Variants in DLG5 observed in about 807,000 individuals in gnomAD.
DLG5 encodes discs large MAGUK scaffold protein 5, also known as disks large homolog 5.
A neutral mutation model predicts 189.8 loss-of-function variants in DLG5; 48 were observed. The observed-to-expected ratio is 0.25, with a 90% CI of 0.20 to 0.32. The LOEUF (loss-of-function observed/expected upper bound fraction) is 0.32. Among genes scored for constraint, DLG5 ranks in the 10% least tolerant of loss-of-function variants. The probability of loss-of-function intolerance (pLI) is 1.00; values close to 1 mark genes in which losing one functional copy is unlikely to be tolerated. For synonymous variants in DLG5, 1,016 were observed against 1,054.1 expected (o/e 0.96, Z 0.70); for missense variants, 2,160 against 2,544.7 (o/e 0.85, Z 3.25).
intron 4 of DLG5, 115 bp downstream of exon 4, chr10:77,854,112 C>G (rs1171001643): frequency 3.6e-6 from 5 of 1,371,334 alleles, no homozygotes; most frequent in African/African-American, 1.4e-5. Flanking sequence ...ACTGCTTGCT[C>G]TTGCACAGGG....
At chr10:77,825,500 A>AC (rs1298955775) in intron 13 of DLG5, among the ~76,000 whole-genome samples, 1 of 150,296 alleles carries the variant, frequency 6.7e-6, no homozygotes, top group East Asian at 1.9e-4. Context: ...AGTACATAGG[A>AC]CCCCCCTGTA....
intron 26 of DLG5, 21 bp downstream of exon 26, chr10:77,806,737 C>CCCCCCCCCCCCCCCCA: frequency 2.5e-6 from 4 of 1,592,000 alleles, no homozygotes; most frequent in African/African-American, 1.3e-5. Flanking sequence ...CCACCCCACC[C>CCCCCCCCCCCCCCCCA]CAGGCCCGGA....
At chr10:77,938,698 C>T in the DLG5 span, among the ~76,000 whole-genome samples, 1 of 152,188 alleles carries the variant, frequency 6.6e-6, no homozygotes. Context: ...GCTTTGCCCA[C>T]AGGCCCCAGT....
At chr10:77,892,403 C>T (rs1379652263) in intron 1 of DLG5, among the ~76,000 whole-genome samples, 3 of 152,236 alleles carry the variant, frequency 2.0e-5, no homozygotes, top group African/African-American at 7.2e-5. Flanking sequence ...CTGTATCTGA[C>T]TTGGGAGCAC....
intron 17 of DLG5, 23 bp from the exon 18 acceptor site, chr10:77,817,912 G>C: frequency 6.5e-7 from 1 of 1,539,956 alleles, no homozygotes; most frequent in Non-Finnish European, 8.8e-7. Flanking sequence ...AAGAGGTGAG[G>C]AGTTCGGGAG....
At chr10:77,847,094 G>C (rs995466480) in intron 5 of DLG5, among the ~76,000 whole-genome samples, 2 of 152,116 alleles carry the variant, frequency 1.3e-5, no homozygotes, top group Non-Finnish European at 2.9e-5. Context: ...AGGGCCGTGT[G>C]AATCAGGCTG....
chr10:77,871,536 CTTTTTTTTT>C (rs34326711), intron 1 of DLG5, among the ~76,000 whole-genome samples: 1 of 83,886 alleles, frequency 1.2e-5, no homozygotes, highest in Non-Finnish European at 2.1e-5. Flanking sequence ...AAGCATCACA[CTTTTTTTTT>C]TTTTTTTTTT....
intron 1 of DLG5, among the ~76,000 whole-genome samples, chr10:77,882,727 C>T (rs1845318117): frequency 6.7e-6 from 1 of 148,936 alleles, no homozygotes; most frequent in Admixed American, 6.7e-5. Context: ...GCCTGGCCAA[C>T]ATGGTGAAAC....
intron 3 of DLG5, among the ~76,000 whole-genome samples, chr10:77,855,399 C>T (rs1014353242): frequency 6.6e-6 from 1 of 152,228 alleles, no homozygotes; most frequent in Admixed American, 6.5e-5. Flanking sequence ...GGTGCATGCT[C>T]AAGTTTGAGG....
In DLG5 at chr10:77,888,207, A is replaced by G. The variant is rs530973640; in HGVS notation, c.305-19010T>C. The stretch of plus-strand genomic sequence containing the variant: ...GCTGTTGGGGAGCACCAGAGAACAG[A>G]GCAAATGCAAAGTGCAGGGAGAGCA... On this transcript the variant is annotated intron_variant, in intron 1 of 31. Transcript: ENST00000372391. Among the ~76,000 whole-genome samples the G allele has an allele frequency of 7.1e-4, 108 of 152,340 alleles. 1 individual carries two copies. The highest frequency in any genetic ancestry group is 2.5e-3 in the African/African-American group (104 of 41,580).
At chr10:77,803,499 CA>C (rs1353418068) in intron 27 of DLG5, among the ~76,000 whole-genome samples, 1 of 152,024 alleles carries the variant, frequency 6.6e-6, no homozygotes, top group East Asian at 1.9e-4. Flanking sequence ...TAAACTGTGC[CA>C]AAGATAACCA....
intron 1 of DLG5, among the ~76,000 whole-genome samples, chr10:77,888,876 C>A (rs146601520): frequency 6.6e-6 from 1 of 152,162 alleles, no homozygotes; most frequent in Non-Finnish European, 1.5e-5. Context: ...CGAAGACACC[C>A]CCATCAAGAT....
intron 20 of DLG5, among the ~76,000 whole-genome samples, chr10:77,814,216 G>A (rs1238935662): frequency 1.3e-5 from 2 of 151,904 alleles, no homozygotes; most frequent in Non-Finnish European, 2.9e-5. Context: ...GACCTCAGGT[G>A]ATATGCCCGT....
intron 2 of DLG5, chr10:77,868,611 G>C (rs1393384930): frequency 4.5e-6 from 1 of 220,440 alleles, no homozygotes; most frequent in African/African-American, 2.4e-5. Flanking sequence ...CCCCACTAGA[G>C]GTGCTAAACA....
chr10:77,924,020 A>G (rs988850431), intron 1 of DLG5, among the ~76,000 whole-genome samples: 1 of 151,798 alleles, frequency 6.6e-6, no homozygotes, highest in African/African-American at 2.4e-5. Context: ...GCCCACAACC[A>G]CGCCCAGTTA....
the DLG5 span, among the ~76,000 whole-genome samples, chr10:77,933,569 C>T: frequency 6.6e-6 from 1 of 152,226 alleles, no homozygotes; most frequent in East Asian, 1.9e-4. Context: ...GCTAAGATTA[C>T]AGGGGTGAGC....
At position 77,809,738 on chromosome 10, in the gene DLG5, G is replaced by GA. The variant is rs1414315929; in HGVS notation, c.4464-9dup. 7 of 1,605,224 alleles carry GA rather than the reference G, an allele frequency of 4.4e-6. No homozygotes were observed. Among genetic ancestry groups the GA allele is most frequent in the Non-Finnish European group, 5.9e-6 (7 of 1,176,848 alleles). On this transcript the variant is annotated splice_polypyrimidine_tract_variant and intron_variant, in intron 23 of 31. Transcript: ENST00000372391. The stretch of plus-strand genomic sequence containing the variant: ...TTGGCATCTCCCGCAATCCTTTCAG[G>GA]AAAAAAACAAAGTTCCTCAACTGTG...
intron 2 of DLG5, among the ~76,000 whole-genome samples, chr10:77,863,899 G>T (rs150184984): frequency 6.6e-6 from 1 of 152,348 alleles, no homozygotes; most frequent in Non-Finnish European, 1.5e-5. Flanking sequence ...GCAACAGGAA[G>T]ACACAGCCCT....
intron 1 of DLG5, among the ~76,000 whole-genome samples, chr10:77,885,015 C>A (rs1162616215): frequency 6.6e-6 from 1 of 152,188 alleles, no homozygotes; most frequent in African/African-American, 2.4e-5. Flanking sequence ...TTGTCACACC[C>A]AGAGCAGGAG....
Sources: allele counts gnomAD v4.1 joint callset (sites outside exome capture counted in the v4.1 genomes callset), GRCh38; gene constraint gnomAD v4.1.1; transcripts MANE v1.5; gene names NCBI Gene and HGNC (gene_info 2026-07-23, HGNC 2026-07-21).